IFT80: variants seen among roughly 807,000 people sequenced by gnomAD.
IFT80 encodes intraflagellar transport protein 80 homolog.
Under a neutral mutation model 107.9 loss-of-function variants are expected in IFT80, and 79 were observed. That is an observed-to-expected ratio of 0.73 (90% CI 0.61 to 0.88). The LOEUF is 0.88. Among genes scored for constraint, IFT80 ranks in the 40% least tolerant of loss-of-function variants. IFT80 has a pLI of 0.00. For missense variants in IFT80, 797 were observed against 914.2 expected, an observed-to-expected ratio of 0.87 and a Z score of 1.65; for synonymous variants, 299 against 300.9, an observed-to-expected ratio of 0.99 and a Z score of 0.07.
intron 8 of IFT80, among the ~76,000 whole-genome samples, chr3:160,325,976 C>T (rs938766659): frequency 2.7e-4 from 41 of 151,924 alleles, no homozygotes; most frequent in African/African-American, 9.4e-4. Flanking sequence ...TAAATTCTTA[C>T]ATTAAAAATT....
chr3:160,292,454 A>C (rs1024654310), intron 12 of IFT80, among the ~76,000 whole-genome samples: 5 of 148,740 alleles, frequency 3.4e-5, no homozygotes, highest in Non-Finnish European at 1.5e-5. Context: ...AGAGATATAG[A>C]TTCCTGCACT....
At chr3:160,333,471 C>G (rs1719230870) in intron 8 of IFT80, among the ~76,000 whole-genome samples, 1 of 152,164 alleles carries the variant, frequency 6.6e-6, no homozygotes, top group Non-Finnish European at 1.5e-5. Flanking sequence ...CACGTTGTGA[C>G]AGCTGTACAA....
At chr3:160,313,771 G>A (rs1038350769) in intron 9 of IFT80, among the ~76,000 whole-genome samples, 3 of 151,886 alleles carry the variant, frequency 2.0e-5, no homozygotes, top group Non-Finnish European at 4.4e-5. Flanking sequence ...CACCACGCCC[G>A]GCTAATTTTT....
chr3:160,322,033 TA>T (rs1718267194), intron 8 of IFT80, among the ~76,000 whole-genome samples: 1 of 149,482 alleles, frequency 6.7e-6, no homozygotes, highest in Non-Finnish European at 1.5e-5. Flanking sequence ...TTTATTTATT[TA>T]TTTATTTATT....
chr3:160,354,529 T>G (rs1720931937), intron 8 of IFT80, among the ~76,000 whole-genome samples: 2 of 152,044 alleles, frequency 1.3e-5, no homozygotes, highest in Admixed American at 6.6e-5. Context: ...GACGAGTGCC[T>G]GTAGTCCCAG....
chr3:160,290,479 A>C (rs1715468813), intron 12 of IFT80, among the ~76,000 whole-genome samples: 1 of 152,056 alleles, frequency 6.6e-6, no homozygotes, highest in Non-Finnish European at 1.5e-5. Context: ...TAGATTGAGA[A>C]GATATAGAAA....
intron 18 of IFT80, among the ~76,000 whole-genome samples, chr3:160,272,047 T>C (rs1305848380): frequency 1.3e-5 from 2 of 152,042 alleles, no homozygotes; most frequent in Non-Finnish European, 2.9e-5. Context: ...AAAGATGCAA[T>C]GTTTGTCCAA....
intron 18 of IFT80, among the ~76,000 whole-genome samples, chr3:160,271,683 T>C (rs925136976): frequency 2.6e-5 from 4 of 152,128 alleles, no homozygotes; most frequent in African/African-American, 4.8e-5. Flanking sequence ...ATATCACATA[T>C]GAACAAAACA....
intron 12 of IFT80, among the ~76,000 whole-genome samples, chr3:160,286,492 C>T (rs1489397091): frequency 2.6e-5 from 4 of 152,124 alleles, no homozygotes; most frequent in Non-Finnish European, 4.4e-5. Context: ...GTCTGTTGGG[C>T]CCACAGAGCA....
intron 8 of IFT80, among the ~76,000 whole-genome samples, chr3:160,323,408 G>A (rs1371815507): frequency 1.3e-5 from 2 of 151,610 alleles, no homozygotes; most frequent in Non-Finnish European, 2.9e-5. Flanking sequence ...CTCTGTTTTG[G>A]TACCAGTACC....
chr3:160,328,633 C>T (rs925027335), intron 8 of IFT80, among the ~76,000 whole-genome samples: 1 of 151,886 alleles, frequency 6.6e-6, no homozygotes, highest in African/African-American at 2.4e-5. Flanking sequence ...CCAGTGATAC[C>T]ATTACTGGGT....
chr3:160,302,666 C>T (rs879279408), intron 11 of IFT80, among the ~76,000 whole-genome samples: 28 of 151,720 alleles, frequency 1.8e-4, no homozygotes, highest in Non-Finnish European at 2.4e-4. Flanking sequence ...GAATTTATTT[C>T]GAACTGTTAA....
intron 10 of IFT80, among the ~76,000 whole-genome samples, 161 bp downstream of exon 10, chr3:160,307,502 A>C (rs1331530600): frequency 6.6e-6 from 1 of 152,176 alleles, no homozygotes; most frequent in African/African-American, 2.4e-5. Flanking sequence ...CACTGCTCTA[A>C]GTTCACTTTC....
chr3:160,307,700 A>C lies in IFT80; in HGVS notation c.1039T>G (p.Leu347Val). Residue 347 changes from leucine (L) to valine (V), a missense_variant, in exon 10 of 20, where the codon TTA (leucine) becomes GTA (valine). Transcript: ENST00000326448. Reference sequence around the variant, plus strand: ...CATTGAAGAGACGTTGAAACAACTAAGTGTGCATAGTTCAAAGATGCTTTA... The same window carrying C: ...CATTGAAGAGACGTTGAAACAACTACGTGTGCATAGTTCAAAGATGCTTTA... ...VIKASLNYAHLVVSTSLQCYV... is the reference protein window; with the variant it reads ...VIKASLNYAHVVVSTSLQCYV... The C allele has an allele frequency of 1.3e-6, 2 of 1,594,842 alleles. No homozygotes were observed. The highest frequency in any genetic ancestry group is 4.5e-5 in the East Asian group (2 of 44,774).
In IFT80 at chr3:160,398,904, G is replaced by C. The variant is rs542322511; in HGVS notation, c.-47+242C>G. Among the ~76,000 whole-genome samples the C allele has an allele frequency of 2.4e-3, 372 of 152,140 alleles. 1 individual carries two copies. Among genetic ancestry groups the C allele is most frequent in the South Asian group, 1.0e-2 (48 of 4,816 alleles). ...CAATGATCTCGAAAATCATTATTGC[G>C]CTATTCACATGTCGACTAAGCTATC... On this transcript the variant is annotated intron_variant, in intron 1 of 19. Transcript: ENST00000326448.
rs71312296 is a variant in IFT80, at chr3:160,288,643, A to G, written c.1316-2775T>C. On this transcript the variant is annotated intron_variant, in intron 12 of 19. Coordinates refer to ENST00000326448, the MANE Select transcript of IFT80 (RefSeq NM_020800.3). ...ATAAGGAACTTAACAAATTTACAAG[A>G]AAAAAAACACTAAAAACTGGGCAAA... 3.2e-3 allele frequency among the ~76,000 whole-genome samples: 482 copies of G among 152,148 alleles called. 8 individuals carry two copies. In the South Asian group the frequency reaches 0.044, roughly 14 times the overall value.
intron 18 of IFT80, 130 bp downstream of exon 18, chr3:160,277,176 A>T: frequency 1.3e-6 from 1 of 791,176 alleles, no homozygotes; most frequent in Admixed American, 1.9e-5. Flanking sequence ...CACAAATATG[A>T]ATATGAATAA....
chr3:160,302,761 T>G lies in IFT80; in HGVS notation c.1151+1154A>C, dbSNP rs146749189. On this transcript the variant is annotated intron_variant, in intron 11 of 19. Coordinates refer to ENST00000326448, the MANE Select transcript of IFT80 (RefSeq NM_020800.3). Reference sequence around the variant, plus strand: ...ACAAAAATGACTTATTTTAAAAAATTTATGATGTAACTAAATAATTGATAC... The same window carrying G: ...ACAAAAATGACTTATTTTAAAAAATGTATGATGTAACTAAATAATTGATAC... 2.1e-3 allele frequency among the ~76,000 whole-genome samples: 320 copies of G among 152,206 alleles called. 1 individual carries two copies. The East Asian group carries it at 0.027, about 13-fold the overall frequency.
chr3:160,357,627 A>C lies in IFT80; in HGVS notation c.550-49T>G, dbSNP rs764854970. 5 of 1,243,628 alleles carry C rather than the reference A, an allele frequency of 4.0e-6. No individual in the cohort carries two copies. The South Asian group carries it at 6.3e-5, about 16-fold the overall frequency. The allele number at this position is 1,243,628 out of a possible 1,614,324, so 77.0% of individuals were successfully genotyped here. A position where few individuals can be genotyped will look rare whatever the true frequency, so the allele number is the denominator to read the frequency against. ...TTAATTATAAGTTTAAAAGCACTTA[A>C]GTTTTTTTCTGTAAGAAATATATTT... On this transcript the variant is annotated intron_variant, in intron 6 of 19. Coordinates refer to ENST00000326448, the MANE Select transcript of IFT80 (RefSeq NM_020800.3).
Sources: allele counts gnomAD v4.1 joint callset (sites outside exome capture counted in the v4.1 genomes callset), GRCh38; gene constraint gnomAD v4.1.1; transcripts MANE v1.5; gene names NCBI Gene and HGNC (gene_info 2026-07-23, HGNC 2026-07-21).